The following DACH1 variants were observed in gnomAD, a reference collection of about 807,000 sequenced individuals.
DACH1 encodes the protein dachshund homolog 1.
Under a neutral mutation model 54.2 loss-of-function variants are expected in DACH1, and 12 were observed. The ratio of observed to expected loss-of-function variants is 0.22; its 90% CI spans 0.14 to 0.36. DACH1 has a LOEUF of 0.36. DACH1 is among the 10% of genes least tolerant of loss of function. The pLI is 1.00. For synonymous variants in DACH1, 386 were observed against 366.2 expected, an observed-to-expected ratio of 1.05 and a Z score of -0.62; for missense variants, 805 against 929.8, an observed-to-expected ratio of 0.87 and a Z score of 1.75.
At chr13:71,536,010 A>T (rs1238079354) in intron 6 of DACH1, among the ~76,000 whole-genome samples, 1 of 151,974 alleles carries the variant, frequency 6.6e-6, no homozygotes, top group Non-Finnish European at 1.5e-5. Context: ...TAATTCTCAT[A>T]TTTGTTTTAT....
chr13:71,850,521 G>C (rs1427771293), intron 1 of DACH1, among the ~76,000 whole-genome samples: 1 of 151,974 alleles, frequency 6.6e-6, no homozygotes, highest in Non-Finnish European at 1.5e-5. Flanking sequence ...TGAACACTTC[G>C]CCACTTCCCT....
chr13:71,704,679 A>G, intron 1 of DACH1: 4 of 284,060 alleles, frequency 1.4e-5, no homozygotes, highest in Non-Finnish European at 2.8e-5. Context: ...AATAAAAATA[A>G]AAGATCTCTG....
In DACH1 at chr13:71,693,898, G is replaced by A. The variant is rs943785747; in HGVS notation, c.849-11988C>T. ...TTGCAAGCAACCATGGGGGGTCTTG[G>A]AACATATCCCCCATGGGTAAAGGGG... On this transcript the variant is annotated intron_variant, in intron 1 of 10. Transcript: ENST00000613252. Among the ~76,000 whole-genome samples the A allele has an allele frequency of 7.2e-5, 11 of 152,112 alleles. No individual in the cohort carries two copies. In the East Asian group the frequency reaches 2.1e-3, roughly 30 times the overall value.
At chr13:71,707,235 A>G (rs1022771267) in intron 1 of DACH1, among the ~76,000 whole-genome samples, 1 of 152,242 alleles carries the variant, frequency 6.6e-6, no homozygotes, top group Non-Finnish European at 1.5e-5. Flanking sequence ...ATGCTATGGG[A>G]GCATTTCTTG....
intron 1 of DACH1, among the ~76,000 whole-genome samples, chr13:71,856,416 A>T (rs1466982455): frequency 6.6e-6 from 1 of 152,004 alleles, no homozygotes; most frequent in African/African-American, 2.4e-5. Context: ...TATAGTACAC[A>T]CTTATCAGAG....
At chr13:71,812,617 C>T (rs1281016137) in intron 1 of DACH1, among the ~76,000 whole-genome samples, 2 of 150,656 alleles carry the variant, frequency 1.3e-5, no homozygotes, top group East Asian at 3.9e-4. Flanking sequence ...TAACAGTTCC[C>T]TAAAGTCTAT....
chr13:71,530,051 A>T (rs1314901254), intron 6 of DACH1, among the ~76,000 whole-genome samples: 1 of 152,218 alleles, frequency 6.6e-6, no homozygotes, highest in African/African-American at 2.4e-5. Flanking sequence ...AAATTAAAAG[A>T]CCTTTCATGC....
chr13:71,839,601 C>T (rs900112620), intron 1 of DACH1, among the ~76,000 whole-genome samples: 6 of 151,596 alleles, frequency 4.0e-5, no homozygotes, highest in African/African-American at 1.2e-4. Flanking sequence ...AGTGAGACTC[C>T]GTCTCAAAAT....
chr13:71,850,880 A>T (rs1873611253), intron 1 of DACH1, among the ~76,000 whole-genome samples: 1 of 152,240 alleles, frequency 6.6e-6, no homozygotes, highest in Non-Finnish European at 1.5e-5. Flanking sequence ...ATATGTGAAT[A>T]TTTTTATAAC....
chr13:71,845,520 G>A (rs1181340392), intron 1 of DACH1, among the ~76,000 whole-genome samples: 1 of 152,116 alleles, frequency 6.6e-6, no homozygotes, highest in East Asian at 1.9e-4. Flanking sequence ...CTAGATTACA[G>A]CATGTAAAGG....
chr13:71,580,756 A>T (rs1455747223), intron 3 of DACH1, among the ~76,000 whole-genome samples: 1 of 152,150 alleles, frequency 6.6e-6, no homozygotes, highest in African/African-American at 2.4e-5. Context: ...GAGTTTTATA[A>T]GCCAGGAACC....
rs370479492 is a variant in DACH1, at chr13:71,866,113, C to T, written c.657G>A (p.Leu219=). The T allele has an allele frequency of 3.1e-6, 5 of 1,613,760 alleles. No homozygotes were observed. The highest frequency in any genetic ancestry group is 4.2e-6 in the Non-Finnish European group (5 of 1,179,912). Residue 219 remains leucine (L), a synonymous_variant, in exon 1 of 11, where the codon CTG becomes CTA. Transcript: ENST00000613252. ...ICLPQAFDLF[L]KHLVGGLHTV... is the part of the protein sequence containing the mutation. ...TATGCAAGCCCCCCACCAAGTGCTT[C>T]AGGAACAGGTCGAAAGCCTGGGGCA... is the stretch of plus-strand genomic sequence containing the variant.
chr13:71,615,894 T>C (rs1178084966), intron 3 of DACH1, among the ~76,000 whole-genome samples: 2 of 152,114 alleles, frequency 1.3e-5, no homozygotes. Flanking sequence ...AATTTTAGAA[T>C]AGTGATTGCA....
chr13:71,620,362 TAA>T (rs1373832313), intron 3 of DACH1, among the ~76,000 whole-genome samples: 2 of 151,924 alleles, frequency 1.3e-5, no homozygotes, highest in Admixed American at 1.3e-4. Context: ...TTATAAATAA[TAA>T]AGACTATTTC....
chr13:71,801,850 G>GAAA (rs540836925), intron 1 of DACH1, among the ~76,000 whole-genome samples: 2 of 86,526 alleles, frequency 2.3e-5, no homozygotes, highest in African/African-American at 4.3e-5. Flanking sequence ...ACTGAAAAAA[G>GAAA]AAAAAAAAAA....
intron 1 of DACH1, among the ~76,000 whole-genome samples, chr13:71,784,176 A>G (rs2138074992): frequency 6.6e-6 from 1 of 152,186 alleles, no homozygotes; most frequent in South Asian, 2.1e-4. Flanking sequence ...ATAATTTCAT[A>G]CAAGTAGGAG....
intron 6 of DACH1, among the ~76,000 whole-genome samples, chr13:71,549,558 T>C (rs895458953): frequency 3.9e-5 from 6 of 152,122 alleles, no homozygotes; most frequent in Admixed American, 3.9e-4. Context: ...GTTTTCCAAA[T>C]ATACAAAAAA....
At position 71,481,282 on chromosome 13, in the gene DACH1, G is replaced by A. The variant is rs143995756; in HGVS notation, c.1723-1966C>T. Among the ~76,000 whole-genome samples, 436 of 152,284 alleles carry A rather than the reference G, an allele frequency of 2.9e-3. 4 individuals carry two copies. Among genetic ancestry groups the A allele is most frequent in the Non-Finnish European group, 4.5e-3 (306 of 68,032 alleles). On this transcript the variant is annotated intron_variant, in intron 7 of 10. Coordinates refer to ENST00000613252, the MANE Select transcript of DACH1 (RefSeq NM_080759.6). Reference sequence around the variant, plus strand: ...GTGTTGATTGGTTGTATTATCAGTAGCTGTTTAAAATAAATTACTATTAAA... The same window carrying A: ...GTGTTGATTGGTTGTATTATCAGTAACTGTTTAAAATAAATTACTATTAAA...
chr13:71,823,824 C>T (rs186074996), intron 1 of DACH1, among the ~76,000 whole-genome samples: 1 of 151,932 alleles, frequency 6.6e-6, no homozygotes, highest in East Asian at 1.9e-4. Flanking sequence ...CAAAAGAAGG[C>T]TATTTGTCTT....
Sources: allele counts gnomAD v4.1 joint callset (sites outside exome capture counted in the v4.1 genomes callset), GRCh38; gene constraint gnomAD v4.1.1; transcripts MANE v1.5; gene names NCBI Gene and HGNC (gene_info 2026-07-23, HGNC 2026-07-21).